Variants in COL5A2 observed in about 807,000 individuals in gnomAD.
COL5A2 encodes collagen type V alpha 2 chain.
Under a neutral mutation model 208.2 loss-of-function variants are expected in COL5A2, and 23 were observed. The ratio of observed to expected loss-of-function variants is 0.11; its 90% CI spans 0.08 to 0.16. COL5A2 has a LOEUF of 0.16. Ranked by LOEUF, COL5A2 falls within the 10% of genes least tolerant of loss-of-function variation. COL5A2 has a pLI of 1.00. For synonymous variants in COL5A2, 625 were observed against 628.5 expected (o/e 0.99, Z 0.08); for missense variants, 1,590 against 1,956.4 (o/e 0.81, Z 3.53).
intron 1 of COL5A2, among the ~76,000 whole-genome samples, chr2:189,124,340 G>T (rs1409705096): frequency 1.3e-5 from 2 of 152,100 alleles, no homozygotes; most frequent in African/African-American, 4.8e-5. Flanking sequence ...ATTGATGGGG[G>T]AAAGACTATC....
At chr2:189,411,793 A>G in the COL5A2 span, among the ~76,000 whole-genome samples, 4 of 152,168 alleles carry the variant, frequency 2.6e-5, no homozygotes, top group Admixed American at 1.3e-4. Flanking sequence ...AAAAACAGTT[A>G]AACAAAACTT....
chr2:189,382,502 A>G, the COL5A2 span, among the ~76,000 whole-genome samples: 1 of 152,204 alleles, frequency 6.6e-6, no homozygotes, highest in African/African-American at 2.4e-5. Context: ...AATTCTATTT[A>G]TGGAAGTTTT....
the COL5A2 span, among the ~76,000 whole-genome samples, chr2:189,407,688 A>T: frequency 1.3e-5 from 2 of 152,126 alleles, no homozygotes; most frequent in Non-Finnish European, 2.9e-5. Flanking sequence ...ACCTACCCAG[A>T]GACATAATTT....
chr2:189,114,631 TA>T lies in COL5A2; in HGVS notation c.98-4183del, dbSNP rs1184564981. On this transcript the variant is annotated intron_variant, in intron 1 of 53. Transcript: ENST00000374866. ...AAGCTTAGATTCAAGGCCCAGGACT[TA>T]AAAAAAAAAAAAAAAAATGTTTCTT... 7.8e-3 allele frequency among the ~76,000 whole-genome samples: 958 copies of T among 122,954 alleles called. 15 individuals are homozygous for T. Among genetic ancestry groups the T allele is most frequent in the African/African-American group, 0.025 (836 of 33,428 alleles). 80.7% of individuals were successfully genotyped at this position (122,954 alleles called of 152,430 possible). A position where few individuals can be genotyped will look rare whatever the true frequency, so the allele number is the denominator to read the frequency against.
At chr2:189,271,938 C>T in the COL5A2 span, among the ~76,000 whole-genome samples, 1 of 152,048 alleles carries the variant, frequency 6.6e-6, no homozygotes, top group Non-Finnish European at 1.5e-5. Context: ...GTTAGAGAAA[C>T]GCAAATCAAA....
At chr2:189,258,252 G>T in the COL5A2 span, among the ~76,000 whole-genome samples, 1 of 152,168 alleles carries the variant, frequency 6.6e-6, no homozygotes, top group Non-Finnish European at 1.5e-5. Flanking sequence ...TTCTGTCCAT[G>T]CAAAAGTATG....
At chr2:189,384,590 A>G in the COL5A2 span, among the ~76,000 whole-genome samples, 68 of 152,164 alleles carry the variant, frequency 4.5e-4, 1 homozygote, top group African/African-American at 1.6e-3. Flanking sequence ...CTCATTTTAT[A>G]ATCAGGTATT....
At chr2:189,193,006 G>C (rs1576581894) in intron 1 of COL5A2, among the ~76,000 whole-genome samples, 1 of 152,174 alleles carries the variant, frequency 6.6e-6, no homozygotes, top group South Asian at 2.1e-4. Context: ...GTCCTGTTTT[G>C]TCTCTGTCAC....
chr2:189,438,949 C>A, the COL5A2 span, among the ~76,000 whole-genome samples: 1 of 152,070 alleles, frequency 6.6e-6, no homozygotes, highest in Admixed American at 6.6e-5. Flanking sequence ...TTTTACTATA[C>A]CCCCTTGATG....
chr2:189,282,357 T>C, the COL5A2 span, among the ~76,000 whole-genome samples: 1 of 152,154 alleles, frequency 6.6e-6, no homozygotes, highest in South Asian at 2.1e-4. Flanking sequence ...ATATTCAAAT[T>C]GTTTCCCAGT....
the COL5A2 span, among the ~76,000 whole-genome samples, chr2:189,369,549 T>C: frequency 6.6e-6 from 1 of 152,138 alleles, no homozygotes; most frequent in South Asian, 2.1e-4. Context: ...TGAAAGTTTT[T>C]TGAATATCTA....
At chr2:189,311,629 C>T in the COL5A2 span, 2 of 847,426 alleles carry the variant, frequency 2.4e-6, no homozygotes, top group Non-Finnish European at 3.9e-6. Flanking sequence ...AGTCCAGGTC[C>T]ATCTCCAAGG....
At chr2:189,062,559 T>G (rs1686057830) in intron 29 of COL5A2, among the ~76,000 whole-genome samples, 1 of 152,110 alleles carries the variant, frequency 6.6e-6, no homozygotes, top group Non-Finnish European at 1.5e-5. Context: ...AATAAAATAT[T>G]TTATAAAATA....
At chr2:189,197,383 T>C (rs1348904700) in intron 1 of COL5A2, among the ~76,000 whole-genome samples, 1 of 152,182 alleles carries the variant, frequency 6.6e-6, no homozygotes, top group East Asian at 1.9e-4. Flanking sequence ...CAAACCACCA[T>C]GGCACACATA....
At chr2:189,399,465 G>A in the COL5A2 span, among the ~76,000 whole-genome samples, 3 of 151,992 alleles carry the variant, frequency 2.0e-5, no homozygotes, top group East Asian at 5.8e-4. Context: ...TGGCCAGGCT[G>A]GTCTCAAACT....
intron 16 of COL5A2, among the ~76,000 whole-genome samples, 176 bp from the exon 17 acceptor site, chr2:189,075,613 G>C (rs1686387598): frequency 6.6e-6 from 1 of 152,054 alleles, no homozygotes; most frequent in African/African-American, 2.4e-5. Flanking sequence ...AAGCTGATAT[G>C]GTAGTCATAA....
intron 7 of COL5A2, 101 bp from the exon 8 acceptor site, chr2:189,088,873 G>T: frequency 1.1e-6 from 1 of 933,870 alleles, no homozygotes; most frequent in Non-Finnish European, 1.8e-6. Flanking sequence ...CTTATAGAAT[G>T]ACTCTTCTGA....
the COL5A2 span, among the ~76,000 whole-genome samples, chr2:189,280,505 A>T: frequency 6.6e-6 from 1 of 152,134 alleles, no homozygotes; most frequent in Non-Finnish European, 1.5e-5. Flanking sequence ...AGGAATATAC[A>T]ATAAGAATTT....
intron 5 of COL5A2, chr2:189,097,798 CAAGT>C: frequency 2.4e-6 from 1 of 415,878 alleles, no homozygotes; most frequent in Non-Finnish European, 4.8e-6. Flanking sequence ...CATCACTGTT[CAAGT>C]TGCTGATAAA....
Sources: allele counts gnomAD v4.1 joint callset (sites outside exome capture counted in the v4.1 genomes callset), GRCh38; gene constraint gnomAD v4.1.1; transcripts MANE v1.5; gene names NCBI Gene and HGNC (gene_info 2026-07-23, HGNC 2026-07-21).